The following TMEM223 variants were observed in gnomAD, a reference collection of about 807,000 sequenced individuals.
The protein encoded by TMEM223 is transmembrane protein 223.
A neutral mutation model predicts 14.1 loss-of-function variants in TMEM223; 14 were observed. The ratio of observed to expected loss-of-function variants is 0.99; its 90% CI spans 0.66 to 1.55. The LOEUF (loss-of-function observed/expected upper bound fraction) is 1.55. Among genes scored for constraint, TMEM223 ranks in the 40% most tolerant of loss-of-function variants. The pLI, the probability that TMEM223 is intolerant of heterozygous loss-of-function variation, is 0.00. For synonymous variants in TMEM223, 145 were observed against 120.5 expected, an observed-to-expected ratio of 1.20 and a Z score of -1.33; for missense variants, 346 against 269.9, an observed-to-expected ratio of 1.28 and a Z score of -1.97.
At chr11:62,773,320 G>T (rs1304792562) in intron 2 of TMEM223, among the ~76,000 whole-genome samples, 3 of 151,046 alleles carry the variant, frequency 2.0e-5, no homozygotes, top group Non-Finnish European at 4.4e-5. Flanking sequence ...GCTAATTTTT[G>T]TATTTTTAGT....
At chr11:62,773,846 A>G (rs1317871900) in intron 2 of TMEM223, among the ~76,000 whole-genome samples, 1 of 152,176 alleles carries the variant, frequency 6.6e-6, no homozygotes, top group Non-Finnish European at 1.5e-5. Flanking sequence ...AATCTGAAGG[A>G]GTGAGTAGCA....
downstream of TMEM223, chr11:62,787,256 G>C: frequency 3.2e-6 from 5 of 1,566,510 alleles, no homozygotes; most frequent in Non-Finnish European, 4.3e-6. Context: ...CCCGCCCGCC[G>C]GTGGGCGCTC....
At chr11:62,786,304 A>C (rs765899115), downstream of TMEM223, 11 of 1,614,180 alleles carry the variant, frequency 6.8e-6, no homozygotes, top group South Asian at 8.8e-5. Context: ...CCTACTGGAC[A>C]AACTTGCAGG....
chr11:62,772,650 C>T (rs943360373), intron 2 of TMEM223, among the ~76,000 whole-genome samples: 5 of 150,872 alleles, frequency 3.3e-5, no homozygotes, highest in Non-Finnish European at 5.9e-5. Context: ...GCTACCATGG[C>T]GAAACTCCAT....
chr11:62,778,970 G>C (rs376177697), intron 1 of TMEM223: 1 of 1,612,610 alleles, frequency 6.2e-7, no homozygotes, highest in African/African-American at 1.3e-5. Flanking sequence ...GAAGGTGAGC[G>C]AGTGGGCCCA....
chr11:62,787,231 G>C (rs1262183536), downstream of TMEM223: 2 of 1,574,670 alleles, frequency 1.3e-6, no homozygotes. Flanking sequence ...GCCCATGATC[G>C]GCCGTACCAG....
intron 2 of TMEM223, among the ~76,000 whole-genome samples, chr11:62,772,769 G>A (rs1166281634): frequency 6.7e-6 from 1 of 149,026 alleles, no homozygotes; most frequent in Non-Finnish European, 1.5e-5. Context: ...CTGCACTCCA[G>A]CCTGGGTGAC....
At chr11:62,786,996 C>A (rs561547191), downstream of TMEM223, 16 of 1,481,868 alleles carry the variant, frequency 1.1e-5, 1 homozygote, top group Middle Eastern at 2.2e-4. Flanking sequence ...AGAGCAGGCC[C>A]TTGCCGCGCG....
At chr11:62,788,065 C>T, downstream of TMEM223, 1 of 447,198 alleles carries the variant, frequency 2.2e-6, no homozygotes, top group Non-Finnish European at 4.5e-6. Flanking sequence ...TCATTTAATG[C>T]CTATAAAGTA....
intron 1 of TMEM223, chr11:62,781,859 G>T: frequency 6.3e-7 from 1 of 1,589,810 alleles, no homozygotes; most frequent in Non-Finnish European, 8.6e-7. Flanking sequence ...ACAATTTTCT[G>T]GTGGATCCAA....
chr11:62,772,244 GGGCGCGGT>G (rs1294464985), intron 2 of TMEM223: 1 of 412,848 alleles, frequency 2.4e-6, no homozygotes, highest in Non-Finnish European at 4.9e-6. Flanking sequence ...ATTCGTGGCC[GGGCGCGGT>G]GGCTCACGCC....
intron 1 of TMEM223, chr11:62,778,983 T>C: frequency 1.2e-6 from 2 of 1,600,948 alleles, no homozygotes; most frequent in Non-Finnish European, 1.7e-6. Context: ...TGGGCCCAAG[T>C]TGGGGCACAA....
chr11:62,774,695 G>A (rs1272478918), intron 1 of TMEM223: 3 of 454,426 alleles, frequency 6.6e-6, no homozygotes, highest in Non-Finnish European at 1.3e-5. Context: ...CAGCATTTAG[G>A]CACTGCAGCC....
chr11:62,772,149 A>G (rs1185503996), intron 2 of TMEM223: 1 of 456,246 alleles, frequency 2.2e-6, no homozygotes, highest in Non-Finnish European at 4.4e-6. Context: ...AATAGACGAA[A>G]TACATAATAA....
intron 1 of TMEM223, chr11:62,776,239 C>T (rs2084187248): frequency 4.9e-6 from 4 of 809,982 alleles, no homozygotes; most frequent in South Asian, 1.7e-5. Flanking sequence ...TGTTTTTGTA[C>T]AGGAGCAGAG....
downstream of TMEM223, chr11:62,789,275 T>C: frequency 6.2e-7 from 1 of 1,614,040 alleles, no homozygotes; most frequent in Non-Finnish European, 8.5e-7. Context: ...CCACAAGGCT[T>C]GTTCTCTCCC....
At chr11:62,787,168 G>A, downstream of TMEM223, 1 of 1,582,658 alleles carries the variant, frequency 6.3e-7, no homozygotes, top group Non-Finnish European at 8.5e-7. Context: ...TTTCCAGACT[G>A]CCTTCCCCGC....
At chr11:62,776,777 G>GC (rs1394298991) in intron 1 of TMEM223, among the ~76,000 whole-genome samples, 1 of 151,050 alleles carries the variant, frequency 6.6e-6, no homozygotes, top group African/African-American at 2.4e-5. Context: ...CTTGAACCTA[G>GC]CAGGCAGAGG....
At chr11:62,782,612 C>A, downstream of TMEM223, 1 of 1,568,320 alleles carries the variant, frequency 6.4e-7, no homozygotes, top group Non-Finnish European at 8.7e-7. Context: ...TGTACAGATG[C>A]TATTCTCTTT....
Sources: allele counts gnomAD v4.1 joint callset (sites outside exome capture counted in the v4.1 genomes callset), GRCh38; gene constraint gnomAD v4.1.1; transcripts MANE v1.5; gene names NCBI Gene and HGNC (gene_info 2026-07-23, HGNC 2026-07-21).